Variants in MRPL3 observed in about 807,000 individuals in gnomAD.
MRPL3 encodes the protein large ribosomal subunit protein uL3m.
In MRPL3, 43 loss-of-function variants were observed where a neutral mutation model predicts 44.3. The observed-to-expected ratio is 0.97, with a 90% CI of 0.76 to 1.25. The LOEUF (loss-of-function observed/expected upper bound fraction) is 1.25, where lower values mean the gene tolerates loss of function less well. MRPL3 is among the 50% of genes most tolerant of loss of function. The pLI is 0.00. For missense variants in MRPL3, 406 were observed against 427.6 expected (o/e 0.95, Z 0.45); for synonymous variants, 171 against 152.3 (o/e 1.12, Z -0.91).
intron 9 of MRPL3, among the ~76,000 whole-genome samples, chr3:131,463,505 T>C (rs9860545): frequency 0.74 from 112,987 of 152,010 alleles, 43,352 homozygotes; most frequent in African/African-American, 0.92. Context: ...ACTGAATACT[T>C]CCATGGCCTT....
Position 131,501,536 on chromosome 3 carries a change from TC to T in MRPL3, c.271del (p.Glu91AsnfsTer12). 1 of 1,610,392 alleles carries T rather than the reference TC, an allele frequency of 6.2e-7. No homozygotes were observed. Among genetic ancestry groups the T allele is most frequent in the Non-Finnish European group, 8.5e-7 (1 of 1,179,026 alleles). On this transcript the variant is annotated frameshift_variant, in exon 2 of 10. Transcript: ENST00000264995. LOFTEE classifies it high-confidence loss of function. ...ATCAAATACAAAATAATCACCTGGT[TC>T]CCAAGGATGTATAGGCCATGGTTCA... ...KDEPWPIHPW[E>X]PGSFRVGLIA...
chr3:131,465,195 CA>C (rs1933573593), intron 9 of MRPL3, among the ~76,000 whole-genome samples: 1 of 152,132 alleles, frequency 6.6e-6, no homozygotes, highest in African/African-American at 2.4e-5. Context: ...GTTCTGATGC[CA>C]GTTTCTCAAA....
At position 131,466,796 on chromosome 3, in the gene MRPL3, G is replaced by T. The variant is rs898192494; in HGVS notation, c.894+1295C>A. 6.4e-4 allele frequency among the ~76,000 whole-genome samples: 98 copies of T among 151,980 alleles called. 1 individual carries two copies. Among genetic ancestry groups the T allele is most frequent in the African/African-American group, 2.3e-3 (96 of 41,462 alleles). ...ATACATTGTATAATGATAAAATCAGGATAACTAGCATATCCATTACTTTAA... is the reference window on the plus strand; with the variant it reads ...ATACATTGTATAATGATAAAATCAGTATAACTAGCATATCCATTACTTTAA... On this transcript the variant is annotated intron_variant, in intron 9 of 9. Transcript: ENST00000264995.
intron 6 of MRPL3, among the ~76,000 whole-genome samples, chr3:131,483,576 G>T (rs1934044024): frequency 6.6e-6 from 1 of 152,042 alleles, no homozygotes; most frequent in Non-Finnish European, 1.5e-5. Flanking sequence ...TATTTATCTA[G>T]AGAATTATAA....
In MRPL3 at chr3:131,501,718, A is replaced by G. The variant is rs548021937; in HGVS notation, c.93-3T>C. On this transcript the variant is annotated splice_region_variant and splice_polypyrimidine_tract_variant and intron_variant, in intron 1 of 9. Coordinates refer to ENST00000264995, the MANE Select transcript of MRPL3 (RefSeq NM_007208.4). ...TAACAAAAAGCCAGATGTGTGTTCTATAAAAAGAAAAAATAAATAAAACCA... is the reference window on the plus strand; with the variant it reads ...TAACAAAAAGCCAGATGTGTGTTCTGTAAAAAGAAAAAATAAATAAAACCA... 2.5e-6 allele frequency: 4 copies of G among 1,598,644 alleles called. No homozygotes were observed. Among genetic ancestry groups the G allele is most frequent in the African/African-American group, 1.4e-5 (1 of 73,750 alleles).
At chr3:131,487,776 T>C in intron 5 of MRPL3, 36 bp from the exon 6 acceptor site, 2 of 1,553,038 alleles carry the variant, frequency 1.3e-6, no homozygotes, top group Non-Finnish European at 8.8e-7. Context: ...AATATGAAAT[T>C]TGACAGCACA....
At chr3:131,492,588 G>A (rs1934282528) in intron 4 of MRPL3, among the ~76,000 whole-genome samples, 1 of 152,170 alleles carries the variant, frequency 6.6e-6, no homozygotes, top group African/African-American at 2.4e-5. Context: ...ACTGACAGGA[G>A]GTAGAGCTCG....
rs546053962 is a variant in MRPL3, at chr3:131,476,787, CTG to C, written c.630-5510_630-5509del. On this transcript the variant is annotated intron_variant, in intron 6 of 9. Coordinates refer to ENST00000264995, the MANE Select transcript of MRPL3 (RefSeq NM_007208.4). The stretch of plus-strand genomic sequence containing the variant: ...ACTTTCAGTGCACGAAGGGTAGAAA[CTG>C]TGTATTATTTAGCTGTAGTGCCCAG... Among the ~76,000 whole-genome samples the C allele has an allele frequency of 4.7e-3, 718 of 152,314 alleles. 6 individuals are homozygous for C. The highest frequency in any genetic ancestry group is 0.027 in the Middle Eastern group (8 of 294).
At chr3:131,487,632 T>C (rs200983178) in intron 6 of MRPL3, 48 bp downstream of exon 6, 86 of 1,401,802 alleles carry the variant, frequency 6.1e-5, no homozygotes, top group Admixed American at 3.9e-4. Flanking sequence ...CTATTCTCTT[T>C]TAATAGATGA....
chr3:131,492,313 T>A (rs546976799), intron 4 of MRPL3, among the ~76,000 whole-genome samples: 1 of 152,270 alleles, frequency 6.6e-6, no homozygotes, highest in African/African-American at 2.4e-5. Flanking sequence ...TCAAAGCATT[T>A]ATCTCCATGT....
At chr3:131,486,044 G>C (rs1198061216) in intron 6 of MRPL3, among the ~76,000 whole-genome samples, 2 of 152,084 alleles carry the variant, frequency 1.3e-5, no homozygotes. Context: ...ACAAACATCT[G>C]ATCTTTGACA....
chr3:131,472,246 T>TC (rs1933758196), intron 6 of MRPL3, among the ~76,000 whole-genome samples: 1 of 152,206 alleles, frequency 6.6e-6, no homozygotes, highest in African/African-American at 2.4e-5. Context: ...AGAAGGATCT[T>TC]CATCTCAGGG....
intron 9 of MRPL3, among the ~76,000 whole-genome samples, chr3:131,465,630 C>T (rs1933583554): frequency 6.6e-6 from 1 of 152,002 alleles, no homozygotes; most frequent in Non-Finnish European, 1.5e-5. Flanking sequence ...AAAAATAATC[C>T]TTCTCCTTTA....
chr3:131,475,711 C>T (rs940824968), intron 6 of MRPL3, among the ~76,000 whole-genome samples: 5 of 151,988 alleles, frequency 3.3e-5, no homozygotes, highest in Non-Finnish European at 7.4e-5. Context: ...AAATAAAAAC[C>T]CACTATTAAT....
chr3:131,500,731 T>C (rs1223102932), intron 2 of MRPL3, among the ~76,000 whole-genome samples: 1 of 152,226 alleles, frequency 6.6e-6, no homozygotes, highest in African/African-American at 2.4e-5. Flanking sequence ...TCAATAAATA[T>C]TTGTAAAATG....
chr3:131,493,108 C>T (rs1041130278), intron 4 of MRPL3, among the ~76,000 whole-genome samples: 1 of 152,164 alleles, frequency 6.6e-6, no homozygotes, highest in African/African-American at 2.4e-5. Context: ...CCCGCAGGCC[C>T]CCAATGGCTA....
At chr3:131,465,811 TACTTAA>T (rs1341601357) in intron 9 of MRPL3, among the ~76,000 whole-genome samples, 1 of 151,938 alleles carries the variant, frequency 6.6e-6, no homozygotes, top group Non-Finnish European at 1.5e-5. Context: ...ACTAGAAACC[TACTTAA>T]ACTTAAAAAC....
intron 6 of MRPL3, among the ~76,000 whole-genome samples, chr3:131,480,820 CTTT>C (rs1933966776): frequency 1.3e-5 from 2 of 152,176 alleles, no homozygotes; most frequent in Non-Finnish European, 2.9e-5. Context: ...TGTATTATTT[CTTT>C]AGTATAGATA....
At chr3:131,467,704 A>C (rs922282632) in intron 9 of MRPL3, among the ~76,000 whole-genome samples, 1 of 152,094 alleles carries the variant, frequency 6.6e-6, no homozygotes, top group African/African-American at 2.4e-5. Context: ...ATGCTTCCTG[A>C]ACAGCCTGTG....
Sources: gnomAD v4.1 joint callset for allele counts (sites outside exome capture counted in the v4.1 genomes callset) on GRCh38, gnomAD v4.1.1 for gene constraint, MANE v1.5 for transcripts, NCBI Gene and HGNC (gene_info 2026-07-23, HGNC 2026-07-21) for gene names.